Variants in PDE4D observed in about 807,000 individuals in gnomAD.
PDE4D encodes the protein 3',5'-cyclic-AMP phosphodiesterase 4D.
A neutral mutation model predicts 87.4 loss-of-function variants in PDE4D; 24 were observed. The ratio of observed to expected loss-of-function variants is 0.27; its 90% confidence interval spans 0.20 to 0.39. The LOEUF is 0.39. Ranked by LOEUF, PDE4D falls within the 10% of genes least tolerant of loss-of-function variation. PDE4D has a pLI of 1.00. For missense variants in PDE4D, 714 were observed against 1,041.0 expected (o/e 0.69, Z 4.32); for synonymous variants, 384 against 383.2 (o/e 1.00, Z -0.02).
intron 1 of PDE4D, among the ~76,000 whole-genome samples, chr5:60,229,826 A>G (rs1745594287): frequency 6.6e-6 from 1 of 152,142 alleles, no homozygotes; most frequent in Non-Finnish European, 1.5e-5. Context: ...TTGATTTTGA[A>G]TACTTCCACA....
intron 1 of PDE4D, among the ~76,000 whole-genome samples, chr5:59,307,394 A>G (rs1771605032): frequency 6.6e-6 from 1 of 151,344 alleles, no homozygotes; most frequent in South Asian, 2.1e-4. Flanking sequence ...TCTGCACAGC[A>G]AAAGAAACTA....
chr5:60,210,810 A>G (rs1271899670), intron 1 of PDE4D, among the ~76,000 whole-genome samples: 3 of 149,312 alleles, frequency 2.0e-5, no homozygotes, highest in Non-Finnish European at 4.4e-5. Flanking sequence ...CTGGTAGGCT[A>G]CAATGTAGGG....
chr5:60,338,002 T>C (rs1364578847), intron 1 of PDE4D, among the ~76,000 whole-genome samples: 2 of 152,158 alleles, frequency 1.3e-5, no homozygotes, highest in African/African-American at 4.8e-5. Context: ...AGAGGAATAG[T>C]AAACAGTAAA....
chr5:59,750,748 C>A (rs1210871978), intron 1 of PDE4D, among the ~76,000 whole-genome samples: 1 of 151,978 alleles, frequency 6.6e-6, no homozygotes, highest in African/African-American at 2.4e-5. Context: ...CCAGCCTGGG[C>A]AACATAGTGA....
intron 6 of PDE4D, among the ~76,000 whole-genome samples, chr5:58,996,648 C>A (rs776362583): frequency 2.0e-5 from 3 of 152,158 alleles, no homozygotes; most frequent in Non-Finnish European, 2.9e-5. Flanking sequence ...ACAGGTTTAT[C>A]TTCTAACTTG....
At chr5:59,408,836 T>G (rs1792167599) in intron 1 of PDE4D, among the ~76,000 whole-genome samples, 1 of 152,156 alleles carries the variant, frequency 6.6e-6, no homozygotes, top group African/African-American at 2.4e-5. Flanking sequence ...TTCTTTTGGC[T>G]GATTTCTTCC....
chr5:59,509,348 G>T (rs1809857375), intron 1 of PDE4D, among the ~76,000 whole-genome samples: 1 of 149,882 alleles, frequency 6.7e-6, no homozygotes, highest in Admixed American at 6.7e-5. Context: ...CACATGAAGA[G>T]AATTCCCTAC....
At chr5:59,789,511 A>C (rs1298679258) in intron 1 of PDE4D, among the ~76,000 whole-genome samples, 1 of 152,228 alleles carries the variant, frequency 6.6e-6, no homozygotes, top group Non-Finnish European at 1.5e-5. Flanking sequence ...GTGTCTGGGG[A>C]AAAACAGTAT....
intron 1 of PDE4D, among the ~76,000 whole-genome samples, chr5:59,779,163 GAAAA>G (rs879308296): frequency 3.8e-4 from 54 of 141,598 alleles, no homozygotes; most frequent in Admixed American, 1.4e-4. Flanking sequence ...CTCTGTCTCG[GAAAA>G]AAAAAAAAGA....
rs1240134375 is a variant in PDE4D at position 59,719,822 on chromosome 5, A to G, written c.455+173346T>C. 2.6e-5 allele frequency among the ~76,000 whole-genome samples: 4 copies of G among 152,218 alleles called. No homozygotes were observed. In the East Asian group the frequency reaches 7.7e-4, roughly 29 times the overall value. ...ATCTGATCCAACCCTTCCTAAGACT[A>G]GCCATGACAACTATTGGGGATGCCA... On this transcript the variant is annotated intron_variant, in intron 1 of 14. Transcript: ENST00000340635.
intron 1 of PDE4D, among the ~76,000 whole-genome samples, chr5:60,201,536 T>C (rs1414831351): frequency 1.3e-5 from 2 of 152,140 alleles, no homozygotes; most frequent in Non-Finnish European, 2.9e-5. Flanking sequence ...ACCTAATTAT[T>C]TATATAAAGT....
In PDE4D at chr5:59,529,500, G is replaced by T. The variant is rs920919009; in HGVS notation, c.456-313532C>A. On this transcript the variant is annotated intron_variant, in intron 1 of 14. Coordinates refer to ENST00000340635, the MANE Select transcript of PDE4D (RefSeq NM_001104631.2). Reference sequence around the variant, plus strand: ...AGGAGAAGGATGTGCAGCAATAGGGGCACAAGCATTGACCTTTGAAGAGTC... The same window carrying T: ...AGGAGAAGGATGTGCAGCAATAGGGTCACAAGCATTGACCTTTGAAGAGTC... Among the ~76,000 whole-genome samples the T allele has an allele frequency of 1.2e-4, 18 of 152,232 alleles. No individual in the cohort carries two copies. In the South Asian group the frequency reaches 3.3e-3, roughly 28 times the overall value.
At chr5:60,451,992 C>G (rs1166398226) in intron 1 of PDE4D, among the ~76,000 whole-genome samples, 1 of 152,014 alleles carries the variant, frequency 6.6e-6, no homozygotes, top group African/African-American at 2.4e-5. Context: ...GGAAAAGTGA[C>G]CAAATAGTTT....
rs141962948 is a variant in PDE4D at position 59,985,702 on chromosome 5, C to T, written c.272+2786G>A. ...ATTGGATAAATTTGTAAATAGTAAG[C>T]ATGACATTGCTTACATAGTCATTCC... is the stretch of plus-strand genomic sequence containing the variant. On this transcript the variant is annotated intron_variant, in intron 3 of 16. Coordinates refer to the PDE4D transcript ENST00000502484. Among the ~76,000 whole-genome samples, 42 of 152,158 alleles carry T rather than the reference C, an allele frequency of 2.8e-4. 1 individual carries two copies. The highest frequency in any genetic ancestry group is 8.4e-4 in the African/African-American group (35 of 41,526).
chr5:59,837,018 G>A (rs1742224626), intron 1 of PDE4D, among the ~76,000 whole-genome samples: 1 of 151,798 alleles, frequency 6.6e-6, no homozygotes, highest in African/African-American at 2.4e-5. Flanking sequence ...TCACACTTTT[G>A]CTTCTCCATG....
chr5:60,281,598 G>A (rs1222207140), intron 1 of PDE4D, among the ~76,000 whole-genome samples: 1 of 152,058 alleles, frequency 6.6e-6, no homozygotes, highest in Non-Finnish European at 1.5e-5. Context: ...TATTTCAATA[G>A]ATAGTAGATC....
At chr5:59,550,180 GA>G (rs1337288680) in intron 1 of PDE4D, among the ~76,000 whole-genome samples, 1 of 151,694 alleles carries the variant, frequency 6.6e-6, no homozygotes, top group African/African-American at 2.4e-5. Context: ...TTAACATAAT[GA>G]AAATCTACCA....
intron 3 of PDE4D, among the ~76,000 whole-genome samples, chr5:59,985,240 G>A (rs1762339412): frequency 6.6e-6 from 1 of 150,602 alleles, no homozygotes; most frequent in Non-Finnish European, 1.5e-5. Context: ...CCGGGTTCAC[G>A]CCATCCTCTT....
chr5:59,794,114 TACAC>T (rs1181734999), intron 1 of PDE4D, among the ~76,000 whole-genome samples: 2 of 138,232 alleles, frequency 1.4e-5, no homozygotes, highest in East Asian at 2.2e-4. Context: ...CATGGACAGA[TACAC>T]AGACACACAC....
Sources: allele counts gnomAD v4.1 joint callset (sites outside exome capture counted in the v4.1 genomes callset), GRCh38; gene constraint gnomAD v4.1.1; transcripts MANE v1.5; gene names NCBI Gene and HGNC (gene_info 2026-07-23, HGNC 2026-07-21).